Variants in CDKAL1 observed in about 807,000 individuals in gnomAD.
CDKAL1 encodes CDKAL1 threonylcarbamoyladenosine tRNA methylthiotransferase.
In CDKAL1, 32 loss-of-function variants were observed where a neutral mutation model predicts 68.2. That is an observed-to-expected ratio of 0.47 (90% CI 0.35 to 0.63). The LOEUF (loss-of-function observed/expected upper bound fraction) is 0.63, where lower values mean the gene tolerates loss of function less well. CDKAL1 is among the 30% of genes least tolerant of loss of function. The pLI is 0.00. For missense variants in CDKAL1, 606 were observed against 696.7 expected (o/e 0.87, Z 1.47); for synonymous variants, 234 against 244.3 (o/e 0.96, Z 0.39).
At chr6:20,752,800 G>C (rs1442177370) in intron 6 of CDKAL1, among the ~76,000 whole-genome samples, 1 of 152,140 alleles carries the variant, frequency 6.6e-6, no homozygotes, top group Non-Finnish European at 1.5e-5. Flanking sequence ...ATAAACTAGT[G>C]TATTAGCTTT....
intron 9 of CDKAL1, among the ~76,000 whole-genome samples, chr6:20,888,683 C>T (rs1761220578): frequency 6.6e-6 from 1 of 151,542 alleles, no homozygotes; most frequent in Non-Finnish European, 1.5e-5. Context: ...ATCCATGTCC[C>T]TACAAAGGAC....
Position 20,568,743 on chromosome 6 carries a change from A to C in CDKAL1, c.286+20038A>C, listed in dbSNP as rs929154320. Among the ~76,000 whole-genome samples the C allele has an allele frequency of 3.2e-3, 266 of 82,960 alleles. 4 individuals are homozygous for C. The highest frequency in any genetic ancestry group is 0.012 in the African/African-American group (218 of 18,488). The allele number at this position is 82,960 out of a possible 152,430, so 54.4% of individuals were successfully genotyped here. A position where few individuals can be genotyped will look rare whatever the true frequency, so the allele number is the denominator to read the frequency against. ...GAGCGAGACTCCGCCTCAAAAAAAAAAAAAAAACAAAAAAACAAAAAAACA... is the reference window on the plus strand; with the variant it reads ...GAGCGAGACTCCGCCTCAAAAAAAACAAAAAAACAAAAAAACAAAAAAACA... On this transcript the variant is annotated intron_variant, in intron 4 of 15. Transcript: ENST00000274695.
At chr6:21,084,443 G>A (rs1772586653) in intron 12 of CDKAL1, among the ~76,000 whole-genome samples, 1 of 152,154 alleles carries the variant, frequency 6.6e-6, no homozygotes, top group African/African-American at 2.4e-5. Flanking sequence ...GTTAAGAGAA[G>A]CTAGGTAAAT....
chr6:20,931,860 A>G (rs988405258), intron 9 of CDKAL1, among the ~76,000 whole-genome samples: 4 of 152,208 alleles, frequency 2.6e-5, no homozygotes, highest in Non-Finnish European at 5.9e-5. Flanking sequence ...TTTGAAGTTT[A>G]TGAATTAAGG....
intron 10 of CDKAL1, among the ~76,000 whole-genome samples, chr6:20,975,218 C>T (rs994816600): frequency 6.6e-6 from 1 of 152,158 alleles, no homozygotes; most frequent in Non-Finnish European, 1.5e-5. Context: ...CAGTTAATCT[C>T]TGCCGTCTCC....
intron 4 of CDKAL1, among the ~76,000 whole-genome samples, chr6:20,616,966 C>G (rs9368212): frequency 6.7e-6 from 1 of 148,680 alleles, no homozygotes; most frequent in South Asian, 2.1e-4. Context: ...CCTGAGTGCA[C>G]GAAGTTGAGG....
chr6:21,162,768 G>A (rs1021420649), intron 13 of CDKAL1, among the ~76,000 whole-genome samples: 55 of 151,978 alleles, frequency 3.6e-4, no homozygotes, highest in African/African-American at 1.3e-3. Flanking sequence ...CTAAAAAAAA[G>A]GTTTTCTTAA....
chr6:20,973,639 C>G (rs1030021322), intron 10 of CDKAL1, among the ~76,000 whole-genome samples: 4 of 152,196 alleles, frequency 2.6e-5, no homozygotes, highest in African/African-American at 9.7e-5. Flanking sequence ...GGGCCTTGCT[C>G]TGTCACCCAG....
At chr6:20,767,186 T>G (rs906489356) in intron 7 of CDKAL1, among the ~76,000 whole-genome samples, 1 of 152,164 alleles carries the variant, frequency 6.6e-6, no homozygotes, top group Non-Finnish European at 1.5e-5. Flanking sequence ...TAAAATATAT[T>G]GAGAATAGAT....
chr6:20,745,736 C>CA (rs1210180454), intron 6 of CDKAL1, among the ~76,000 whole-genome samples: 3 of 151,564 alleles, frequency 2.0e-5, no homozygotes, highest in Admixed American at 6.6e-5. Context: ...AAAAAATCGC[C>CA]AAAAAAAATC....
intron 11 of CDKAL1, among the ~76,000 whole-genome samples, chr6:21,025,802 A>C (rs1435454377): frequency 6.6e-6 from 1 of 152,120 alleles, no homozygotes; most frequent in Non-Finnish European, 1.5e-5. Flanking sequence ...TTGCTAATTC[A>C]TCTGCTTGCT....
chr6:20,906,614 C>T (rs1050038045), intron 9 of CDKAL1, among the ~76,000 whole-genome samples: 2 of 152,062 alleles, frequency 1.3e-5, no homozygotes, highest in African/African-American at 4.8e-5. Context: ...ATGATGGGGT[C>T]ATGTCCAAAT....
rs1336767676 is a variant in CDKAL1, at chr6:20,539,983, C to CA, written c.-6+4590dup. On this transcript the variant is annotated intron_variant, in intron 2 of 15. Coordinates refer to ENST00000274695, the MANE Select transcript of CDKAL1 (RefSeq NM_017774.3). This position sits in a 1 kb window ranked among gnomAD's most constrained non-coding sequence, Gnocchi z 4.3. ...AGATTCTGAATATATTTTGAAGGTACAGCCAACAGGATGTTGTTGATTGAT... is the reference window on the plus strand; with the variant it reads ...AGATTCTGAATATATTTTGAAGGTACAAGCCAACAGGATGTTGTTGATTGAT... Among the ~76,000 whole-genome samples the CA allele has an allele frequency of 1.3e-5, 2 of 151,786 alleles. No individual in the cohort carries two copies. Among genetic ancestry groups the CA allele is most frequent in the African/African-American group, 4.8e-5 (2 of 41,254 alleles).
chr6:20,679,269 C>G (rs1770265538), intron 5 of CDKAL1, among the ~76,000 whole-genome samples: 1 of 152,226 alleles, frequency 6.6e-6, no homozygotes, highest in Non-Finnish European at 1.5e-5. Context: ...TCAATAGTAT[C>G]CTTTTATTCC....
At chr6:21,018,638 A>G (rs1457392772) in intron 11 of CDKAL1, among the ~76,000 whole-genome samples, 2 of 152,250 alleles carry the variant, frequency 1.3e-5, no homozygotes, top group African/African-American at 4.8e-5. Context: ...TGCAAATATT[A>G]TGACATTGGG....
intron 10 of CDKAL1, among the ~76,000 whole-genome samples, chr6:20,977,882 TA>T (rs1185907593): frequency 6.6e-6 from 1 of 152,076 alleles, no homozygotes; most frequent in African/African-American, 2.4e-5. Flanking sequence ...CGTCTCAAAA[TA>T]TTAATGATAA....
At chr6:20,731,286 A>G (rs1489871092) in intron 5 of CDKAL1, among the ~76,000 whole-genome samples, 1 of 152,228 alleles carries the variant, frequency 6.6e-6, no homozygotes, top group Non-Finnish European at 1.5e-5. Flanking sequence ...TGCTGTGTTG[A>G]GACCAAAGTC....
intron 5 of CDKAL1, among the ~76,000 whole-genome samples, chr6:20,710,257 TAC>T (rs1771787364): frequency 6.6e-6 from 1 of 152,178 alleles, no homozygotes; most frequent in Non-Finnish European, 1.5e-5. Context: ...AGAAAGTAGG[TAC>T]AGTCATGTGT....
chr6:21,116,305 G>C (rs1264473837), intron 13 of CDKAL1, among the ~76,000 whole-genome samples: 1 of 152,152 alleles, frequency 6.6e-6, no homozygotes, highest in Non-Finnish European at 1.5e-5. Flanking sequence ...TTCTCAGCCA[G>C]TTACCCTGAG....
Sources: allele counts gnomAD v4.1 joint callset (sites outside exome capture counted in the v4.1 genomes callset), GRCh38; gene constraint gnomAD v4.1.1; non-coding constraint Gnocchi (gnomAD v3.1); transcripts MANE v1.5; gene names NCBI Gene and HGNC (gene_info 2026-07-23, HGNC 2026-07-21).